The following NIPA1 variants were observed in gnomAD, a reference collection of about 807,000 sequenced individuals.
The protein encoded by NIPA1 is magnesium transporter NIPA1.
Under a neutral mutation model 23.9 loss-of-function variants are expected in NIPA1, and 13 were observed. The ratio of observed to expected loss-of-function variants is 0.54; its 90% CI spans 0.35 to 0.87. The LOEUF is 0.87. Ranked by LOEUF, NIPA1 falls within the 40% of genes least tolerant of loss-of-function variation. The probability of loss-of-function intolerance (pLI) is 0.01; values close to 1 mark genes in which losing one functional copy is unlikely to be tolerated. For synonymous variants in NIPA1, 234 were observed against 202.9 expected (o/e 1.15, Z -1.30); for missense variants, 362 against 429.7 (o/e 0.84, Z 1.39).
intron 1 of NIPA1, among the ~76,000 whole-genome samples, chr15:22,788,909 G>A (rs1211896538): frequency 4.1e-5 from 2 of 49,120 alleles, no homozygotes; most frequent in Non-Finnish European, 6.9e-5. Context: ...AGAAGAACAA[G>A]GCTCTGTCTT....
chr15:22,811,040 C>T (rs1468991282), intron 2 of NIPA1: 7 of 549,064 alleles, frequency 1.3e-5, no homozygotes, highest in African/African-American at 9.5e-5. Flanking sequence ...TGGTGGAGGC[C>T]CCTGCTGCCC....
intron 1 of NIPA1, among the ~76,000 whole-genome samples, chr15:22,791,766 C>T (rs544987160): frequency 1.3e-5 from 2 of 152,232 alleles, no homozygotes; most frequent in African/African-American, 4.8e-5. Flanking sequence ...GCACCTGGCC[C>T]TCTTTCACTT....
rs142082945 is a variant in NIPA1 at position 22,812,516 on chromosome 15, G to C, written c.317+263G>C. 4.9e-4 allele frequency among the ~76,000 whole-genome samples: 75 copies of C among 152,024 alleles called. 1 individual carries two copies. In the East Asian group the frequency reaches 0.014, roughly 28 times the overall value. On this transcript the variant is annotated intron_variant, in intron 3 of 4. Coordinates refer to ENST00000337435, the MANE Select transcript of NIPA1 (RefSeq NM_144599.5). ...ACAATATGAAAAATTAGCTGGACAT[G>C]GTGGCGACCACCTGTAGTCCTAGCT...
rs1371517460 is a variant in NIPA1, at chr15:22,825,538, T to G, written c.*1299T>G. ...TCCAGTATCAAATATATCCACATTC[T>G]TTATCAGCAAGCATTCATGGCCATT... On this transcript the variant is annotated 3_prime_UTR_variant, in exon 5 of 5. Coordinates refer to ENST00000337435, the MANE Select transcript of NIPA1 (RefSeq NM_144599.5). 6.6e-6 allele frequency: 1 copy of G among 152,214 alleles called. No homozygotes were observed. Among genetic ancestry groups the G allele is most frequent in the African/African-American group, 2.4e-5 (1 of 41,440 alleles). 9.4% of individuals were successfully genotyped at this position (152,214 alleles called of 1,614,324 possible).
chr15:22,815,108 T>A (rs895808264), intron 3 of NIPA1, among the ~76,000 whole-genome samples: 6 of 152,078 alleles, frequency 3.9e-5, no homozygotes, highest in African/African-American at 1.4e-4. Flanking sequence ...TTTCCTGTTT[T>A]TAAAAAAAAA....
intron 1 of NIPA1, among the ~76,000 whole-genome samples, chr15:22,805,975 G>C (rs1211993947): frequency 6.6e-6 from 1 of 152,142 alleles, no homozygotes; most frequent in Non-Finnish European, 1.5e-5. Context: ...CCAGGCTGGA[G>C]TGCAGTGGCG....
intron 1 of NIPA1, among the ~76,000 whole-genome samples, chr15:22,798,446 G>A (rs574952616): frequency 5.5e-5 from 8 of 145,148 alleles, no homozygotes; most frequent in Admixed American, 2.7e-4. Flanking sequence ...TCACCGTGTT[G>A]GCCAGGATGG....
At chr15:22,788,388 C>A (rs1010529155) in intron 1 of NIPA1, among the ~76,000 whole-genome samples, 1 of 151,466 alleles carries the variant, frequency 6.6e-6, no homozygotes, top group Non-Finnish European at 1.5e-5. Context: ...GTAGTACCAG[C>A]TACTCGAGAG....
At chr15:22,790,508 C>T (rs889058689) in intron 1 of NIPA1, among the ~76,000 whole-genome samples, 2 of 151,588 alleles carry the variant, frequency 1.3e-5, no homozygotes, top group African/African-American at 4.9e-5. Flanking sequence ...CTTCCACCTC[C>T]CGGGTTCAAG....
intron 1 of NIPA1, among the ~76,000 whole-genome samples, chr15:22,792,366 CT>C (rs59991123): frequency 4.7e-5 from 7 of 149,202 alleles, no homozygotes; most frequent in African/African-American, 7.4e-5. Context: ...AGGCTTTTTT[CT>C]TTTTTTTTTG....
intron 3 of NIPA1, among the ~76,000 whole-genome samples, chr15:22,814,442 A>T (rs1198916281): frequency 6.6e-6 from 1 of 151,950 alleles, no homozygotes; most frequent in African/African-American, 2.4e-5. Flanking sequence ...TGACCTCGTG[A>T]TCCGCCCGCC....
chr15:22,813,083 G>A (rs17137334), intron 3 of NIPA1, among the ~76,000 whole-genome samples: 22,877 of 151,964 alleles, frequency 0.15, 2,295 homozygotes, highest in Admixed American at 0.29. Flanking sequence ...AGAAGGTCCC[G>A]GGTTTGGTTC....
intron 1 of NIPA1, among the ~76,000 whole-genome samples, chr15:22,800,487 G>A (rs1595634615): frequency 6.6e-6 from 1 of 152,054 alleles, no homozygotes; most frequent in South Asian, 2.1e-4. Context: ...TCTTTATCAT[G>A]TAATTTAAAA....
chr15:22,802,874 T>G (rs1042602432), intron 1 of NIPA1, among the ~76,000 whole-genome samples: 5 of 152,192 alleles, frequency 3.3e-5, no homozygotes, highest in Non-Finnish European at 7.3e-5. Context: ...GTATCAGCAA[T>G]ATGTTCCTTA....
chr15:22,817,499 CAAA>C (rs60309093), intron 3 of NIPA1, among the ~76,000 whole-genome samples: 7 of 122,994 alleles, frequency 5.7e-5, no homozygotes, highest in Admixed American at 8.0e-5. Context: ...AACTCCGTCT[CAAA>C]AAAAAAAAAA....
rs1895671807 is a variant in NIPA1, at chr15:22,827,294, G to C, written c.*3055G>C. ...AGGATTGCTTCCTGTTCTGCTCATT[G>C]ATCAAAGGTAGGGCCAATTAAGGAT... On this transcript the variant is annotated 3_prime_UTR_variant, in exon 5 of 5. Transcript: ENST00000337435. The C allele has an allele frequency of 6.6e-6, 1 of 152,130 alleles. No individual in the cohort carries two copies. The highest frequency in any genetic ancestry group is 2.4e-5 in the African/African-American group (1 of 41,422). The allele number at this position is 152,130 out of a possible 1,614,324, so 9.4% of individuals were successfully genotyped here. A position where few individuals can be genotyped will look rare whatever the true frequency, so the allele number is the denominator to read the frequency against.
intron 1 of NIPA1, among the ~76,000 whole-genome samples, chr15:22,795,455 A>G (rs1173723772): frequency 6.6e-6 from 1 of 152,044 alleles, no homozygotes; most frequent in African/African-American, 2.4e-5. Context: ...AGCCATGCAG[A>G]TGGCATCTTC....
intron 1 of NIPA1, among the ~76,000 whole-genome samples, chr15:22,793,295 G>C (rs1398562683): frequency 7.1e-6 from 1 of 140,296 alleles, no homozygotes; most frequent in Admixed American, 8.0e-5. Flanking sequence ...GTTGCAGTGA[G>C]CTGAGATCGC....
At chr15:22,816,485 C>CATTTTTTT (rs1566786330) in intron 3 of NIPA1, among the ~76,000 whole-genome samples, 1 of 52,678 alleles carries the variant, frequency 1.9e-5, no homozygotes, top group Non-Finnish European at 4.1e-5. Context: ...CCGCACCCAG[C>CATTTTTTT]CTTTTTTTTT....
Sources: allele counts gnomAD v4.1 joint callset (sites outside exome capture counted in the v4.1 genomes callset), GRCh38; gene constraint gnomAD v4.1.1; transcripts MANE v1.5; gene names NCBI Gene and HGNC (gene_info 2026-07-23, HGNC 2026-07-21).